The following RBFOX1 variants were observed in gnomAD, a reference collection of about 807,000 sequenced individuals.
RBFOX1 encodes RNA binding protein fox-1 homolog 1.
A neutral mutation model predicts 57.7 loss-of-function variants in RBFOX1; 8 were observed. The observed-to-expected ratio is 0.14, with a 90% CI of 0.08 to 0.25. RBFOX1 has a LOEUF of 0.25. RBFOX1 is among the 10% of genes least tolerant of loss of function. The pLI, the probability that RBFOX1 is intolerant of heterozygous loss-of-function variation, is 1.00. For missense variants in RBFOX1, 611 were observed against 548.5 expected (o/e 1.11, Z -1.14); for synonymous variants, 326 against 222.4 (o/e 1.47, Z -4.15).
chr16:5,430,473 G>C (rs939171760), intron 1 of RBFOX1, among the ~76,000 whole-genome samples: 21 of 152,236 alleles, frequency 1.4e-4, no homozygotes, highest in Non-Finnish European at 2.9e-4. Context: ...GGAGCTGGAG[G>C]AGGCAGAGCC....
At chr16:7,168,933 T>G (rs1051181003) in intron 4 of RBFOX1, among the ~76,000 whole-genome samples, 3 of 152,200 alleles carry the variant, frequency 2.0e-5, no homozygotes, top group African/African-American at 7.2e-5. Flanking sequence ...TTTTAAAGGT[T>G]TGTGATGTCC....
chr16:6,369,362 A>G lies in RBFOX1; in HGVS notation c.-64+52305A>G, dbSNP rs143474027. On this transcript the variant is annotated intron_variant, in intron 2 of 15. Coordinates refer to ENST00000550418, the MANE Select transcript of RBFOX1 (RefSeq NM_018723.4). ...GATAGTGTAAAGATTGAAAGGATTG[A>G]TTTAAAAAATGGAAAAACATTGTGA... Among the ~76,000 whole-genome samples the G allele has an allele frequency of 1.1e-3, 171 of 152,282 alleles. 1 individual carries two copies. The highest frequency in any genetic ancestry group is 4.0e-3 in the African/African-American group (168 of 41,556).
chr16:6,980,154 A>T (rs573673972), intron 3 of RBFOX1, among the ~76,000 whole-genome samples: 1 of 152,172 alleles, frequency 6.6e-6, no homozygotes, highest in Non-Finnish European at 1.5e-5. Flanking sequence ...TCCCTCTTCA[A>T]TTAAGCCTCC....
chr16:6,641,845 G>A (rs574257794), intron 2 of RBFOX1, among the ~76,000 whole-genome samples: 3 of 149,688 alleles, frequency 2.0e-5, no homozygotes, highest in South Asian at 4.2e-4. Context: ...CCTCGCTAAC[G>A]TGTTTCCTTC....
At chr16:6,549,537 AGGG>A (rs1346769681) in intron 2 of RBFOX1, among the ~76,000 whole-genome samples, 1 of 55,144 alleles carries the variant, frequency 1.8e-5, no homozygotes, top group Non-Finnish European at 3.4e-5. Context: ...GAGGAGGAGG[AGGG>A]GAGGAGGAGG....
intron 3 of RBFOX1, among the ~76,000 whole-genome samples, chr16:5,691,464 A>C (rs1209305068): frequency 6.6e-6 from 1 of 152,174 alleles, no homozygotes; most frequent in Non-Finnish European, 1.5e-5. Context: ...TTGTTAATTC[A>C]ATGTTCATGG....
intron 4 of RBFOX1, among the ~76,000 whole-genome samples, chr16:7,109,285 A>G (rs915293425): frequency 5.9e-5 from 9 of 152,190 alleles, no homozygotes; most frequent in Non-Finnish European, 1.2e-4. Context: ...AAAGGTTGCT[A>G]TTCTGTCCCC....
intron 13 of RBFOX1, among the ~76,000 whole-genome samples, chr16:7,667,611 G>C (rs960385151): frequency 6.6e-6 from 1 of 152,194 alleles, no homozygotes; most frequent in Non-Finnish European, 1.5e-5. Context: ...AATAGGTTTA[G>C]GGCAATTGTC....
At chr16:6,862,647 G>A (rs753381942) in intron 3 of RBFOX1, among the ~76,000 whole-genome samples, 1 of 152,144 alleles carries the variant, frequency 6.6e-6, no homozygotes, top group Non-Finnish European at 1.5e-5. Context: ...GAAAATGAAA[G>A]TGGTTTTGTA....
chr16:5,661,265 G>A (rs770946288), intron 3 of RBFOX1, among the ~76,000 whole-genome samples: 1 of 152,062 alleles, frequency 6.6e-6, no homozygotes, highest in African/African-American at 2.4e-5. Context: ...TATGACATAC[G>A]CTATATACTT....
chr16:7,203,122 A>G (rs2089048562), intron 4 of RBFOX1, among the ~76,000 whole-genome samples: 2 of 152,330 alleles, frequency 1.3e-5, no homozygotes, highest in African/African-American at 4.8e-5. Flanking sequence ...ATAACAGCTA[A>G]AATATGGGAC....
intron 3 of RBFOX1, among the ~76,000 whole-genome samples, chr16:6,849,921 C>G (rs1011909904): frequency 6.6e-6 from 1 of 152,164 alleles, no homozygotes; most frequent in African/African-American, 2.4e-5. Context: ...TCCCAGTTGA[C>G]TAGGAAGATG....
chr16:6,545,238 T>G (rs2096878918), intron 2 of RBFOX1, among the ~76,000 whole-genome samples: 1 of 152,230 alleles, frequency 6.6e-6, no homozygotes, highest in African/African-American at 2.4e-5. Flanking sequence ...CCAATCTTTT[T>G]GTAATAGGTT....
intron 2 of RBFOX1, among the ~76,000 whole-genome samples, chr16:6,440,723 C>A (rs1175028837): frequency 1.3e-5 from 2 of 150,004 alleles, no homozygotes; most frequent in African/African-American, 2.5e-5. Context: ...ATCGCTTGAA[C>A]TTGGGAGGCA....
chr16:5,589,987 C>G (rs1051590068), intron 2 of RBFOX1, among the ~76,000 whole-genome samples: 6 of 152,084 alleles, frequency 3.9e-5, no homozygotes, highest in Non-Finnish European at 5.9e-5. Flanking sequence ...ACTGGGTTTT[C>G]TATTCCTGCC....
chr16:7,247,187 T>G (rs545470394), intron 4 of RBFOX1, among the ~76,000 whole-genome samples: 1 of 152,226 alleles, frequency 6.6e-6, no homozygotes, highest in African/African-American at 2.4e-5. Flanking sequence ...TGGAGAATAG[T>G]AGCTAGTCAG....
chr16:7,615,169 TA>T (rs1333169793), intron 10 of RBFOX1, among the ~76,000 whole-genome samples: 1 of 152,032 alleles, frequency 6.6e-6, no homozygotes, highest in Non-Finnish European at 1.5e-5. Context: ...CCATCTCTAC[TA>T]AAAATACAAA....
At chr16:5,678,138 C>T (rs536989166) in intron 3 of RBFOX1, among the ~76,000 whole-genome samples, 3 of 152,286 alleles carry the variant, frequency 2.0e-5, no homozygotes, top group Admixed American at 1.3e-4. Context: ...CCTTTCTTCT[C>T]TTCTGGGCAA....
At chr16:7,472,490 G>T (rs117928997) in intron 4 of RBFOX1, among the ~76,000 whole-genome samples, 2 of 152,158 alleles carry the variant, frequency 1.3e-5, no homozygotes, top group Admixed American at 6.5e-5. Flanking sequence ...GCAAAGAAAA[G>T]ATTAAGTTAT....
Sources: allele counts gnomAD v4.1 joint callset (sites outside exome capture counted in the v4.1 genomes callset), GRCh38; gene constraint gnomAD v4.1.1; transcripts MANE v1.5; gene names NCBI Gene and HGNC (gene_info 2026-07-23, HGNC 2026-07-21).